Variants in PDE1A observed in about 807,000 individuals in gnomAD.
PDE1A encodes the protein phosphodiesterase 1A, also known as dual specificity calcium/calmodulin-dependent 3',5'-cyclic nucleotide phosphodiesterase 1A.
PDE1A carries 35 observed loss-of-function variants against 61.7 expected under a neutral mutation model. The ratio of observed to expected loss-of-function variants is 0.57; its 90% CI spans 0.43 to 0.75. The LOEUF (loss-of-function observed/expected upper bound fraction) is 0.75, where lower values mean the gene tolerates loss of function less well. Ranked by LOEUF, PDE1A falls within the 30% of genes least tolerant of loss-of-function variation. The probability of loss-of-function intolerance (pLI) is 0.00; values close to 1 mark genes in which losing one functional copy is unlikely to be tolerated. For missense variants in PDE1A, 597 were observed against 630.6 expected (o/e 0.95, Z 0.57); for synonymous variants, 232 against 213.2 (o/e 1.09, Z -0.77).
At chr2:182,713,288 T>C in the PDE1A span, among the ~76,000 whole-genome samples, 1 of 152,144 alleles carries the variant, frequency 6.6e-6, no homozygotes, top group African/African-American at 2.4e-5. Flanking sequence ...ATTATCCTAC[T>C]TACTGAGGGC....
At chr2:182,699,423 A>C in the PDE1A span, among the ~76,000 whole-genome samples, 1 of 152,256 alleles carries the variant, frequency 6.6e-6, no homozygotes, top group South Asian at 2.1e-4. Context: ...CTCACTGAAG[A>C]ATAAAGCACT....
At chr2:182,381,167 T>C (rs1002062361) in intron 1 of PDE1A, among the ~76,000 whole-genome samples, 1 of 152,156 alleles carries the variant, frequency 6.6e-6, no homozygotes, top group South Asian at 2.1e-4. Context: ...TCTTCATGAA[T>C]GTGTACTTTT....
At chr2:182,464,775 G>A (rs1208714555) in intron 2 of PDE1A, among the ~76,000 whole-genome samples, 4 of 152,084 alleles carry the variant, frequency 2.6e-5, no homozygotes, top group Non-Finnish European at 2.9e-5. Context: ...CAGCAGTAAG[G>A]AGGGATTCTG....
the PDE1A span, among the ~76,000 whole-genome samples, chr2:182,633,158 CA>C: frequency 6.6e-6 from 1 of 152,178 alleles, no homozygotes; most frequent in African/African-American, 2.4e-5. Context: ...GTCAGTGTCA[CA>C]GCAGGTCAGC....
chr2:182,713,095 T>C, the PDE1A span, among the ~76,000 whole-genome samples: 1 of 152,246 alleles, frequency 6.6e-6, no homozygotes, highest in African/African-American at 2.4e-5. Context: ...ATGCACTTGC[T>C]GTTCAATCTG....
the PDE1A span, among the ~76,000 whole-genome samples, chr2:182,579,661 G>A: frequency 6.6e-6 from 1 of 152,142 alleles, no homozygotes; most frequent in African/African-American, 2.4e-5. Context: ...GAACAAGTTT[G>A]AAAGACGGGG....
chr2:182,345,328 C>T (rs761175801), intron 1 of PDE1A, among the ~76,000 whole-genome samples: 42 of 152,266 alleles, frequency 2.8e-4, no homozygotes, highest in African/African-American at 7.0e-4. Context: ...GTTATCCTTG[C>T]GTTATCTTTC....
At chr2:182,547,174 G>A in the PDE1A span, among the ~76,000 whole-genome samples, 1 of 152,182 alleles carries the variant, frequency 6.6e-6, no homozygotes, top group African/African-American at 2.4e-5. Flanking sequence ...GTTAATAACT[G>A]CATTTGCAAA....
chr2:182,462,000 T>C (rs930317799), intron 2 of PDE1A, among the ~76,000 whole-genome samples: 1 of 152,136 alleles, frequency 6.6e-6, no homozygotes, highest in Non-Finnish European at 1.5e-5. Context: ...AGATAGACAA[T>C]GCTTGCTGGA....
intron 12 of PDE1A, 31 bp from the exon 13 acceptor site, chr2:182,186,110 C>T: frequency 6.2e-7 from 1 of 1,607,298 alleles, no homozygotes; most frequent in Non-Finnish European, 8.5e-7. Context: ...AACCAAAAAA[C>T]ACCATCAGGA....
chr2:182,209,076 A>C (rs1442972974), intron 7 of PDE1A, among the ~76,000 whole-genome samples: 2 of 152,130 alleles, frequency 1.3e-5, no homozygotes, highest in Non-Finnish European at 2.9e-5. Context: ...GAGGGGCCAG[A>C]AGTGGAATAA....
At chr2:182,697,001 C>T in the PDE1A span, among the ~76,000 whole-genome samples, 1 of 152,102 alleles carries the variant, frequency 6.6e-6, no homozygotes, top group African/African-American at 2.4e-5. Context: ...TGAGCTTGAG[C>T]TGATCACTAT....
intron 1 of PDE1A, 30 bp downstream of exon 1, chr2:182,426,548 T>G (rs755177705): frequency 3.4e-6 from 5 of 1,474,354 alleles, no homozygotes; most frequent in Non-Finnish European, 4.7e-6. Flanking sequence ...CTGACAGCCC[T>G]AGAGCCACCT....
intron 2 of PDE1A, among the ~76,000 whole-genome samples, chr2:182,495,229 T>A (rs144727710): frequency 0.01 from 1,545 of 152,316 alleles, 18 homozygotes; most frequent in Middle Eastern, 0.027. Flanking sequence ...AGCCTTTTCC[T>A]TGGGGTGGTA....
chr2:182,477,003 AAAAG>A (rs1269315111), intron 2 of PDE1A, among the ~76,000 whole-genome samples: 1 of 151,888 alleles, frequency 6.6e-6, no homozygotes, highest in East Asian at 1.9e-4. Context: ...ACAATAAATC[AAAAG>A]AAAGATGTTT....
At chr2:182,240,850 T>C (rs917158843) in intron 2 of PDE1A, among the ~76,000 whole-genome samples, 8 of 151,968 alleles carry the variant, frequency 5.3e-5, no homozygotes, top group Non-Finnish European at 1.2e-4. Flanking sequence ...ACTTAAGTGC[T>C]CCCAACGATA....
intron 1 of PDE1A, among the ~76,000 whole-genome samples, chr2:182,414,609 G>A (rs1702807538): frequency 6.6e-6 from 1 of 152,100 alleles, no homozygotes; most frequent in African/African-American, 2.4e-5. Flanking sequence ...AAGGGAGAAA[G>A]GATGAAAGAA....
intron 13 of PDE1A, among the ~76,000 whole-genome samples, chr2:182,169,227 T>G (rs1217652844): frequency 6.6e-6 from 1 of 152,080 alleles, no homozygotes; most frequent in Non-Finnish European, 1.5e-5. Flanking sequence ...AGACTTTACA[T>G]TGATTCCATC....
intron 1 of PDE1A, among the ~76,000 whole-genome samples, chr2:182,305,001 T>C (rs1695485671): frequency 6.6e-6 from 1 of 152,164 alleles, no homozygotes; most frequent in South Asian, 2.1e-4. Flanking sequence ...GTCCCTCAGA[T>C]GAAATAACTC....
Sources: allele counts gnomAD v4.1 joint callset (sites outside exome capture counted in the v4.1 genomes callset), GRCh38; gene constraint gnomAD v4.1.1; transcripts MANE v1.5; gene names NCBI Gene and HGNC (gene_info 2026-07-23, HGNC 2026-07-21).